Variants in PSME4 observed in about 807,000 individuals in gnomAD.
The protein encoded by PSME4 is proteasome activator subunit 4, also known as proteasome activator complex subunit 4.
Under a neutral mutation model 253.9 loss-of-function variants are expected in PSME4, and 89 were observed. The ratio of observed to expected loss-of-function variants is 0.35; its 90% CI spans 0.30 to 0.42. The LOEUF is 0.42. PSME4 is among the 10% of genes least tolerant of loss of function. PSME4 has a pLI of 1.00. For synonymous variants in PSME4, 851 were observed against 759.2 expected, an observed-to-expected ratio of 1.12 and a Z score of -1.99; for missense variants, 2,014 against 2,195.2, an observed-to-expected ratio of 0.92 and a Z score of 1.65.
At position 53,970,797 on chromosome 2, in the gene PSME4, A is replaced by AGC; in HGVS notation, c.-14_-13insGC. The AGC allele has an allele frequency of 7.1e-7, 1 of 1,400,476 alleles. No individual in the cohort carries two copies. The highest frequency in any genetic ancestry group is 9.5e-7 in the Non-Finnish European group (1 of 1,047,724). 86.8% of individuals were successfully genotyped at this position (1,400,476 alleles called of 1,614,324 possible). On this transcript the variant is annotated 5_prime_UTR_variant, in exon 1 of 47. Coordinates refer to ENST00000404125, the MANE Select transcript of PSME4 (RefSeq NM_014614.3). ...CGGCCGGCTCCATGAGCCCAGGGACACCCCCCCCACCCCCTCCCACCCGAA... is the reference window on the plus strand; with the variant it reads ...CGGCCGGCTCCATGAGCCCAGGGACAGCCCCCCCCCACCCCCTCCCACCCGAA...
chr2:53,939,852 G>A, intron 4 of PSME4, 104 bp downstream of exon 4: 1 of 977,470 alleles, frequency 1.0e-6, no homozygotes, highest in East Asian at 2.6e-5. Flanking sequence ...ACATCACAAT[G>A]TCAGGAACTA....
At chr2:53,919,383 A>T (rs1668199913) in intron 19 of PSME4, 137 bp from the exon 20 acceptor site, 2 of 1,188,612 alleles carry the variant, frequency 1.7e-6, no homozygotes, top group African/African-American at 1.6e-5. Context: ...CAGTTTACCA[A>T]CTTAACAGTG....
chr2:53,920,498 A>AT (rs1668264249), intron 18 of PSME4, 148 bp from the exon 19 acceptor site: 4 of 824,148 alleles, frequency 4.9e-6, no homozygotes, highest in Admixed American at 3.3e-5. Context: ...AAAAAGTAGC[A>AT]TGAAAACAAC....
rs906095208 is a variant in PSME4, at chr2:53,866,841, G to T, written c.5303C>A (p.Ala1768Glu). 6.2e-7 allele frequency: 1 copy of T among 1,613,952 alleles called. No individual in the cohort carries two copies. Among genetic ancestry groups the T allele is most frequent in the African/African-American group, 1.3e-5 (1 of 74,924 alleles). ...KRHAGVLGLG[A>E]CVLSSPYDVP... ...ATCGTAAGGACTAGAAAGAACACAT[G>T]CACCAAGTCCTAGCACCCCAGCATG... Residue 1768 changes from alanine (A) to glutamate (E), a missense_variant, in exon 45 of 47, where the codon GCA becomes GAA. Physicochemically the swap from Ala to Glu is moderately radical, Grantham distance 107. Coordinates refer to ENST00000404125, the MANE Select transcript of PSME4 (RefSeq NM_014614.3).
At chr2:53,934,377 A>C (rs1466520092) in intron 8 of PSME4, among the ~76,000 whole-genome samples, 2 of 151,996 alleles carry the variant, frequency 1.3e-5, no homozygotes, top group African/African-American at 2.4e-5. Context: ...ATCCCTCAAA[A>C]CCCTAGATTT....
intron 1 of PSME4, 148 bp downstream of exon 1, chr2:53,970,393 GCT>G: frequency 7.5e-7 from 1 of 1,334,314 alleles, no homozygotes; most frequent in Non-Finnish European, 1.0e-6. Flanking sequence ...TACTTCACAG[GCT>G]CTGTCACGAC....
intron 5 of PSME4, 148 bp downstream of exon 5, chr2:53,937,243 C>G: frequency 1.4e-6 from 1 of 739,748 alleles, no homozygotes; most frequent in African/African-American, 1.8e-5. Flanking sequence ...ACCGTTTTAG[C>G]CTTAACACAC....
intron 8 of PSME4, chr2:53,933,135 T>C (rs536145445): frequency 2.8e-5 from 5 of 177,774 alleles, no homozygotes; most frequent in Non-Finnish European, 6.0e-5. Flanking sequence ...AAAAACCTGA[T>C]GTAAGGCTGA....
At chr2:53,939,578 T>A (rs1669286597) in intron 4 of PSME4, among the ~76,000 whole-genome samples, 1 of 151,870 alleles carries the variant, frequency 6.6e-6, no homozygotes, top group Non-Finnish European at 1.5e-5. Flanking sequence ...AATATTGAAA[T>A]AAAAAGAAAA....
intron 18 of PSME4, 91 bp downstream of exon 18, chr2:53,920,798 A>C (rs1419249334): frequency 1.0e-5 from 11 of 1,083,932 alleles, no homozygotes; most frequent in Non-Finnish European, 1.5e-5. Context: ...AAAAGTAAAA[A>C]ACTAACATAT....
intron 41 of PSME4, among the ~76,000 whole-genome samples, chr2:53,876,621 A>G (rs879492130): frequency 2.0e-5 from 3 of 151,614 alleles, no homozygotes; most frequent in African/African-American, 4.8e-5. Flanking sequence ...ATTTGGAATA[A>G]TGATTTCCCT....
intron 27 of PSME4, among the ~76,000 whole-genome samples, chr2:53,902,729 T>TG (rs1313094188): frequency 6.6e-6 from 1 of 152,230 alleles, no homozygotes; most frequent in African/African-American, 2.4e-5. Context: ...CAAAGCCATT[T>TG]GCTCTCTGTC....
intron 20 of PSME4, 122 bp downstream of exon 20, chr2:53,919,029 G>T: frequency 1.0e-6 from 1 of 961,152 alleles, no homozygotes; most frequent in Non-Finnish European, 1.5e-6. Flanking sequence ...GACCTTAACA[G>T]TGACAAATAA....
rs1558670668 is a variant in PSME4 at position 53,906,877 on chromosome 2, C to G, written c.2785-9G>C. The G allele has an allele frequency of 6.2e-7, 1 of 1,611,552 alleles. No homozygotes were observed. Among genetic ancestry groups the G allele is most frequent in the South Asian group, 1.1e-5 (1 of 90,934 alleles). On this transcript the variant is annotated splice_polypyrimidine_tract_variant and intron_variant, in intron 24 of 46. Transcript: ENST00000404125. ...TGTTTTTTCCCATGGAGCTGGAAAA[C>G]AAAGTAGCAACAAATACTTCAACAT...
intron 1 of PSME4, among the ~76,000 whole-genome samples, chr2:53,962,266 C>A (rs1670526941): frequency 1.3e-5 from 2 of 152,018 alleles, no homozygotes; most frequent in African/African-American, 4.8e-5. Flanking sequence ...TGAAGAGGAA[C>A]CTCTACTTTT....
At chr2:53,969,660 CT>C (rs3215337) in intron 1 of PSME4, among the ~76,000 whole-genome samples, 78,045 of 149,686 alleles carry the variant, frequency 0.52, 20,553 homozygotes, top group East Asian at 0.71. Flanking sequence ...TAAATGTAAC[CT>C]TTTTTCCCCC....
At chr2:53,896,761 G>A (rs772195134) in intron 32 of PSME4, 43 bp downstream of exon 32, 1 of 1,481,112 alleles carries the variant, frequency 6.8e-7, no homozygotes, top group Non-Finnish European at 9.4e-7. Flanking sequence ...AATTTTCTGA[G>A]TTTTATTGGA....
chr2:53,903,920 C>T (rs1447887750), intron 27 of PSME4, 105 bp downstream of exon 27: 55 of 908,438 alleles, frequency 6.1e-5, no homozygotes, highest in Non-Finnish European at 6.6e-5. Context: ...ATCTTAAATA[C>T]AGAATCTCAG....
chr2:53,918,779 T>A (rs978098395), intron 20 of PSME4, among the ~76,000 whole-genome samples: 8 of 152,210 alleles, frequency 5.3e-5, no homozygotes, highest in Non-Finnish European at 1.0e-4. Context: ...TCTTTTTTTT[T>A]AAAGTTTTTT....
Sources: allele counts gnomAD v4.1 joint callset (sites outside exome capture counted in the v4.1 genomes callset), GRCh38; gene constraint gnomAD v4.1.1; transcripts MANE v1.5; gene names NCBI Gene and HGNC (gene_info 2026-07-23, HGNC 2026-07-21).